NKAIN3: variants seen among roughly 807,000 people sequenced by gnomAD.
NKAIN3 encodes sodium/potassium transporting ATPase interacting 3, also known as sodium/potassium-transporting ATPase subunit beta-1-interacting protein 3.
Under a neutral mutation model 30.2 loss-of-function variants are expected in NKAIN3, and 25 were observed. The observed-to-expected ratio is 0.83, with a 90% CI of 0.60 to 1.16. NKAIN3 has a LOEUF of 1.16. Ranked by LOEUF, NKAIN3 falls within the 50% of genes most tolerant of loss-of-function variation. The pLI is 0.00. For missense variants in NKAIN3, 225 were observed against 254.1 expected (o/e 0.89, Z 0.78); for synonymous variants, 91 against 89.6 (o/e 1.02, Z -0.09).
intron 3 of NKAIN3, among the ~76,000 whole-genome samples, chr8:62,689,322 A>T (rs750028548): frequency 6.6e-6 from 1 of 152,102 alleles, no homozygotes; most frequent in Non-Finnish European, 1.5e-5. Flanking sequence ...CTCACAGAAC[A>T]CAGCCCCCAG....
chr8:62,954,415 A>G (rs1823367077), intron 6 of NKAIN3, among the ~76,000 whole-genome samples: 1 of 152,252 alleles, frequency 6.6e-6, no homozygotes, highest in African/African-American at 2.4e-5. Flanking sequence ...ACAGGGGGGA[A>G]ATAGATTAAA....
chr8:62,670,524 C>A (rs2130385541), intron 3 of NKAIN3, among the ~76,000 whole-genome samples: 1 of 152,202 alleles, frequency 6.6e-6, no homozygotes, highest in Admixed American at 6.5e-5. Flanking sequence ...GTAAGGTTCT[C>A]TGGATTTATA....
chr8:62,345,478 T>C lies in NKAIN3; in HGVS notation c.54+96351T>C, dbSNP rs199749551. Among the ~76,000 whole-genome samples the C allele has an allele frequency of 2.0e-3, 79 of 40,122 alleles. 4 individuals are homozygous for C. The highest frequency in any genetic ancestry group is 4.8e-3 in the Admixed American group (13 of 2,734). The allele number at this position is 40,122 out of a possible 152,430, so 26.3% of individuals were successfully genotyped here. A position where few individuals can be genotyped will look rare whatever the true frequency, so the allele number is the denominator to read the frequency against. ...ATGTATATATACACATATATACACA[T>C]ATATGTATATATACACACATATATA... On this transcript the variant is annotated intron_variant, in intron 1 of 6. Coordinates refer to ENST00000623646, the MANE Select transcript of NKAIN3 (RefSeq NM_001304533.3).
At chr8:62,260,094 A>T (rs917179568) in intron 1 of NKAIN3, among the ~76,000 whole-genome samples, 2 of 152,118 alleles carry the variant, frequency 1.3e-5, no homozygotes, top group African/African-American at 4.8e-5. Flanking sequence ...TTTAGTGATC[A>T]GTTTCTCGTA....
chr8:62,712,000 T>G (rs976788227), intron 3 of NKAIN3, among the ~76,000 whole-genome samples: 26 of 152,140 alleles, frequency 1.7e-4, no homozygotes, highest in Non-Finnish European at 2.8e-4. Flanking sequence ...GCAGTGATTG[T>G]TGTCTCTCTT....
At chr8:62,296,893 T>C (rs1490722858) in intron 1 of NKAIN3, among the ~76,000 whole-genome samples, 1 of 152,156 alleles carries the variant, frequency 6.6e-6, no homozygotes, top group Non-Finnish European at 1.5e-5. Flanking sequence ...GCTTTGCCTA[T>C]TTTTCTACTT....
Position 62,476,084 on chromosome 8 carries a change from T to C in NKAIN3, c.55-103455T>C, listed in dbSNP as rs149376237. 2.4e-4 allele frequency among the ~76,000 whole-genome samples: 37 copies of C among 152,236 alleles called. No homozygotes were observed. The East Asian group carries it at 7.0e-3, about 29-fold the overall frequency. ...TCAGTAATTACTATCATCATTCTAGTTAATATAGTTAATAGCTAGGGATTT... is the reference window on the plus strand; with the variant it reads ...TCAGTAATTACTATCATCATTCTAGCTAATATAGTTAATAGCTAGGGATTT... On this transcript the variant is annotated intron_variant, in intron 1 of 6. Coordinates refer to ENST00000623646, the MANE Select transcript of NKAIN3 (RefSeq NM_001304533.3).
At chr8:62,424,234 G>A (rs1804731228) in intron 1 of NKAIN3, among the ~76,000 whole-genome samples, 2 of 151,866 alleles carry the variant, frequency 1.3e-5, no homozygotes, top group Admixed American at 1.3e-4. Context: ...TTAGAGGAAA[G>A]CTCCATAACA....
chr8:62,461,635 A>G (rs1806004239), intron 1 of NKAIN3, among the ~76,000 whole-genome samples: 1 of 152,260 alleles, frequency 6.6e-6, no homozygotes, highest in African/African-American at 2.4e-5. Context: ...GATGGAAATT[A>G]TTATAAAAAT....
intron 1 of NKAIN3, among the ~76,000 whole-genome samples, chr8:62,424,468 C>T (rs1310858842): frequency 6.6e-6 from 1 of 151,514 alleles, no homozygotes; most frequent in East Asian, 1.9e-4. Flanking sequence ...ACAAATAACC[C>T]ACTTAAAAAG....
chr8:62,509,166 A>G (rs1417625304), intron 1 of NKAIN3, among the ~76,000 whole-genome samples: 3 of 152,166 alleles, frequency 2.0e-5, no homozygotes, highest in East Asian at 3.9e-4. Context: ...GGCATTGATC[A>G]TAGAGAGTAG....
intron 1 of NKAIN3, among the ~76,000 whole-genome samples, chr8:62,451,602 TG>T (rs1288049562): frequency 6.6e-6 from 1 of 152,178 alleles, no homozygotes; most frequent in Non-Finnish European, 1.5e-5. Flanking sequence ...TAAAACATTT[TG>T]TAGAAGCCTA....
intron 4 of NKAIN3, among the ~76,000 whole-genome samples, chr8:62,877,815 C>G (rs993889182): frequency 2.6e-5 from 4 of 152,028 alleles, no homozygotes; most frequent in Non-Finnish European, 4.4e-5. Flanking sequence ...CTGAGGCGGG[C>G]AGATCACCTG....
chr8:62,501,902 G>A (rs1807467084), intron 1 of NKAIN3, among the ~76,000 whole-genome samples: 1 of 152,132 alleles, frequency 6.6e-6, no homozygotes, highest in Non-Finnish European at 1.5e-5. Flanking sequence ...TCATGCCTGG[G>A]ATACCACATT....
intron 1 of NKAIN3, among the ~76,000 whole-genome samples, chr8:62,560,553 T>C (rs916391713): frequency 2.9e-5 from 4 of 138,890 alleles, no homozygotes; most frequent in African/African-American, 1.1e-4. Flanking sequence ...TTTTTTTTTT[T>C]TTTGAGACGA....
Position 62,507,277 on chromosome 8 carries a change from T to G in NKAIN3, c.55-72262T>G, listed in dbSNP as rs181324905. Among the ~76,000 whole-genome samples the G allele has an allele frequency of 2.8e-4, 43 of 152,322 alleles. No homozygotes were observed. The East Asian group carries it at 7.9e-3, about 28-fold the overall frequency. ...TGGAATGTGAACAAAGCGTAAATGC[T>G]GTTTGTGGATTATGAGTTATTTACT... On this transcript the variant is annotated intron_variant, in intron 1 of 6. Transcript: ENST00000623646.
intron 1 of NKAIN3, among the ~76,000 whole-genome samples, chr8:62,479,765 C>T (rs1043676357): frequency 2.0e-5 from 3 of 152,070 alleles, no homozygotes; most frequent in Admixed American, 6.5e-5. Flanking sequence ...TGTCCCAGCC[C>T]TCAGGGTCCC....
intron 1 of NKAIN3, among the ~76,000 whole-genome samples, chr8:62,332,801 C>G (rs1385619093): frequency 6.6e-6 from 1 of 152,114 alleles, no homozygotes; most frequent in Non-Finnish European, 1.5e-5. Context: ...CCAAGATAGG[C>G]AGATCACTTG....
intron 1 of NKAIN3, among the ~76,000 whole-genome samples, chr8:62,506,587 G>A (rs912956745): frequency 3.5e-4 from 50 of 144,450 alleles, no homozygotes; most frequent in African/African-American, 1.3e-3. Context: ...CTATTCTTTT[G>A]CCTCAGCCTC....
Sources: gnomAD v4.1 joint callset for allele counts (sites outside exome capture counted in the v4.1 genomes callset) on GRCh38, gnomAD v4.1.1 for gene constraint, MANE v1.5 for transcripts, NCBI Gene and HGNC (gene_info 2026-07-23, HGNC 2026-07-21) for gene names.